KALRN: variants seen among roughly 807,000 people sequenced by gnomAD.
KALRN encodes kalirin RhoGEF kinase.
Under a neutral mutation model 353.7 loss-of-function variants are expected in KALRN, and 70 were observed. The observed-to-expected ratio is 0.20, with a 90% confidence interval of 0.16 to 0.24. KALRN has a LOEUF of 0.24. Ranked by LOEUF, KALRN falls within the 10% of genes least tolerant of loss-of-function variation. The pLI is 1.00. For synonymous variants in KALRN, 1,391 were observed against 1,434.8 expected, an observed-to-expected ratio of 0.97 and a Z score of 0.69; for missense variants, 2,791 against 3,756.7, an observed-to-expected ratio of 0.74 and a Z score of 6.72.
Position 124,414,905 on chromosome 3 carries a change from G to A in KALRN, c.2542+1240G>A, listed in dbSNP as rs149103150. Among the ~76,000 whole-genome samples, 10 of 152,328 alleles carry A rather than the reference G, an allele frequency of 6.6e-5. No individual in the cohort carries two copies. In the East Asian group the frequency reaches 1.9e-3, roughly 29 times the overall value. On this transcript the variant is annotated intron_variant, in intron 14 of 59. Coordinates refer to ENST00000682506, the MANE Select transcript of KALRN (RefSeq NM_001388419.1). ...TATGGAAATCCTGAGATTGTCAGGG[G>A]GACCTTAGCAGTCATACTGAACTTT... is the stretch of plus-strand genomic sequence containing the variant.
At chr3:124,225,072 G>C (rs2078329053) in intron 1 of KALRN, among the ~76,000 whole-genome samples, 1 of 152,178 alleles carries the variant, frequency 6.6e-6, no homozygotes, top group Non-Finnish European at 1.5e-5. Context: ...TCCTGTTTGA[G>C]TTAGCATTCA....
chr3:124,067,201 T>C (rs1315643685), intron 1 of KALRN, among the ~76,000 whole-genome samples: 1 of 152,016 alleles, frequency 6.6e-6, no homozygotes, highest in Admixed American at 6.6e-5. Context: ...CTCAGTAAAA[T>C]GATATTTTCT....
intron 5 of KALRN, among the ~76,000 whole-genome samples, chr3:124,292,716 T>C (rs1212566274): frequency 1.3e-5 from 2 of 152,162 alleles, no homozygotes; most frequent in Non-Finnish European, 2.9e-5. Context: ...GATTCCCCAT[T>C]TACTGCAATC....
intron 25 of KALRN, among the ~76,000 whole-genome samples, chr3:124,470,961 C>G (rs2060827860): frequency 1.3e-5 from 2 of 152,164 alleles, no homozygotes; most frequent in South Asian, 2.1e-4. Context: ...ACCTTGGAAT[C>G]TAAATGTTAC....
intron 5 of KALRN, among the ~76,000 whole-genome samples, chr3:124,271,194 G>A (rs992316421): frequency 6.6e-6 from 1 of 152,190 alleles, no homozygotes; most frequent in East Asian, 1.9e-4. Flanking sequence ...TTGCTCTGGG[G>A]CAGGGAATCT....
chr3:124,074,043 T>C (rs775923817), intron 1 of KALRN, among the ~76,000 whole-genome samples: 25 of 151,896 alleles, frequency 1.6e-4, no homozygotes, highest in Non-Finnish European at 2.8e-4. Context: ...AGTGTTGCAA[T>C]GCCTCTTACC....
At position 124,455,233 on chromosome 3, in the gene KALRN, A is replaced by T; in HGVS notation, c.3609A>T (p.Lys1203Asn). 3.7e-6 allele frequency: 6 copies of T among 1,614,172 alleles called. No homozygotes were observed. The highest frequency in any genetic ancestry group is 5.1e-6 in the Non-Finnish European group (6 of 1,180,018). ...AGCTGGCCGATAGCTTTGTGGAAAA[A>T]GGCCACATTCATGCCACGGAGATAA... The part of the protein sequence containing the change: ...LIQLADSFVE[K>N]GHIHATEIRK... The change falls in exon 22 of 60, where the codon AAA (lysine) becomes AAT (asparagine). Residue 1203 changes from lysine (K) to asparagine (N), a missense_variant. By Grantham distance (94) the Lys-to-Asn change is moderately conservative. This residue lies in a region of KALRN where 268 missense variants were observed against 347.0 expected (regional missense o/e 0.77). Transcript: ENST00000682506.
At chr3:124,291,461 T>G (rs1383543319) in intron 5 of KALRN, among the ~76,000 whole-genome samples, 3 of 152,164 alleles carry the variant, frequency 2.0e-5, no homozygotes, top group Non-Finnish European at 4.4e-5. Flanking sequence ...AAGCTGAACT[T>G]GGATGTTAAC....
At chr3:124,311,778 A>G (rs1271050005) in intron 6 of KALRN, among the ~76,000 whole-genome samples, 1 of 152,236 alleles carries the variant, frequency 6.6e-6, no homozygotes, top group Non-Finnish European at 1.5e-5. Flanking sequence ...GATAGACAAA[A>G]TGTAGTATCT....
chr3:124,403,577 GCC>G (rs2091139746), intron 13 of KALRN, among the ~76,000 whole-genome samples: 1 of 152,212 alleles, frequency 6.6e-6, no homozygotes, highest in Non-Finnish European at 1.5e-5. Flanking sequence ...ACAAATAGGG[GCC>G]AGGCTAAGGC....
intron 1 of KALRN, among the ~76,000 whole-genome samples, chr3:124,102,551 T>C (rs1269107968): frequency 6.6e-6 from 1 of 152,208 alleles, no homozygotes; most frequent in Non-Finnish European, 1.5e-5. Context: ...CAGGAGGTTG[T>C]TGTGAGCCTT....
chr3:124,407,063 A>G (rs1172371918), intron 13 of KALRN, among the ~76,000 whole-genome samples: 6 of 151,808 alleles, frequency 4.0e-5, no homozygotes, highest in Non-Finnish European at 8.8e-5. Context: ...CAAACTCCTG[A>G]CCTCAGGTGA....
intron 33 of KALRN, among the ~76,000 whole-genome samples, chr3:124,522,024 G>A (rs1326988487): frequency 6.6e-6 from 1 of 152,020 alleles, no homozygotes; most frequent in African/African-American, 2.4e-5. Flanking sequence ...CAGCATATTA[G>A]AAGAATCAAA....
intron 20 of KALRN, 134 bp from the exon 21 acceptor site, chr3:124,446,629 C>A: frequency 8.9e-7 from 1 of 1,122,976 alleles, no homozygotes; most frequent in Non-Finnish European, 1.3e-6. Flanking sequence ...AACTCCAGAG[C>A]TACATACCAA....
At chr3:124,461,847 A>C (rs1228702179) in intron 23 of KALRN, 43 bp from the exon 24 acceptor site, 1 of 1,429,398 alleles carries the variant, frequency 7.0e-7, no homozygotes, top group South Asian at 1.2e-5. Flanking sequence ...GAGGAGAGAC[A>C]TTATATCTAT....
At chr3:124,190,603 A>ATGCT (rs1241207409) in intron 1 of KALRN, among the ~76,000 whole-genome samples, 1 of 152,208 alleles carries the variant, frequency 6.6e-6, no homozygotes, top group Non-Finnish European at 1.5e-5. Flanking sequence ...TTGCTCCACA[A>ATGCT]TGCTTGGTAC....
chr3:124,678,093 C>A, intron 49 of KALRN, 97 bp from the exon 50 acceptor site: 1 of 1,331,468 alleles, frequency 7.5e-7, no homozygotes. Flanking sequence ...CTTGATGGAG[C>A]ACCTCACCTG....
intron 10 of KALRN, among the ~76,000 whole-genome samples, chr3:124,363,875 T>G (rs1418581477): frequency 6.6e-6 from 1 of 152,260 alleles, no homozygotes; most frequent in Non-Finnish European, 1.5e-5. Context: ...AGTAGGACTT[T>G]GGGGCAAAAG....
intron 33 of KALRN, among the ~76,000 whole-genome samples, chr3:124,550,585 C>T (rs1270622507): frequency 1.3e-5 from 2 of 152,100 alleles, no homozygotes; most frequent in Admixed American, 6.5e-5. Context: ...AACCCAAGCA[C>T]GTGTTTCCTT....
Sources: allele counts gnomAD v4.1 joint callset (sites outside exome capture counted in the v4.1 genomes callset), GRCh38; gene constraint gnomAD v4.1.1; regional missense constraint gnomAD v4.1.1; transcripts MANE v1.5; gene names NCBI Gene and HGNC (gene_info 2026-07-23, HGNC 2026-07-21).